The following OASL variants were observed in gnomAD, a reference collection of about 807,000 sequenced individuals.
OASL encodes 2'-5'-oligoadenylate synthetase like.
OASL carries 28 observed loss-of-function variants against 35.3 expected under a neutral mutation model. The observed-to-expected ratio is 0.79, with a 90% CI of 0.59 to 1.09. The LOEUF is 1.09. OASL is among the 50% of genes least tolerant of loss of function. The pLI is 0.00. For synonymous variants in OASL, 252 were observed against 254.6 expected, an observed-to-expected ratio of 0.99 and a Z score of 0.10; for missense variants, 620 against 635.2, an observed-to-expected ratio of 0.98 and a Z score of 0.26.
At chr12:121,037,896 G>T (rs1471967738) in intron 1 of OASL, among the ~76,000 whole-genome samples, 1 of 152,096 alleles carries the variant, frequency 6.6e-6, no homozygotes, top group Non-Finnish European at 1.5e-5. Context: ...TTCGAGACCA[G>T]CATGGGCAAC....
At chr12:121,019,057 A>C (rs765689646), downstream of OASL, 2 of 152,342 alleles carry the variant, frequency 1.3e-5, no homozygotes, top group African/African-American at 2.4e-5. Context: ...GTTATTGTTC[A>C]TGAGCCATCC....
chr12:121,027,923 T>C, intron 3 of OASL, 106 bp from the exon 4 acceptor site: 1 of 919,902 alleles, frequency 1.1e-6, no homozygotes. Context: ...CTGGCTCTGC[T>C]GCCTACTGGC....
At chr12:121,034,341 A>AT (rs1277966280) in intron 1 of OASL, among the ~76,000 whole-genome samples, 1 of 151,702 alleles carries the variant, frequency 6.6e-6, no homozygotes, top group South Asian at 2.1e-4. Context: ...TAATTTTTGT[A>AT]TTTTTTGTAG....
At chr12:121,020,837 G>A (rs954500444) in exon 6 of OASL, 4 of 1,614,248 alleles carry the variant, frequency 2.5e-6, no homozygotes, top group African/African-American at 1.3e-5. Context: ...GCAGATAGAT[G>A]TGAGTGTGGG....
At chr12:121,033,349 A>G in intron 2 of OASL, 112 bp downstream of exon 2, 1 of 1,085,334 alleles carries the variant, frequency 9.2e-7, no homozygotes, top group Non-Finnish European at 1.3e-6. Flanking sequence ...TAGGACACAG[A>G]TGAAATGAAT....
exon 1 of OASL, chr12:121,038,794 G>T (rs187675334): frequency 1.2e-6 from 2 of 1,613,990 alleles, no homozygotes; most frequent in Non-Finnish European, 1.7e-6. Flanking sequence ...TTCAGCACCC[G>T]CACATCCTGG....
chr12:121,036,101 A>T (rs1168816325), intron 1 of OASL, among the ~76,000 whole-genome samples: 1 of 152,044 alleles, frequency 6.6e-6, no homozygotes, highest in Non-Finnish European at 1.5e-5. Flanking sequence ...GGGCTCAAGC[A>T]ATCCTCCCAC....
At position 121,023,811 on chromosome 12, in the gene OASL, G is replaced by A. The variant is rs1227842858; in HGVS notation, c.1047+179C>T. 3 of 588,406 alleles carry A rather than the reference G, an allele frequency of 5.1e-6. No individual in the cohort carries two copies. The African/African-American group carries it at 5.5e-5, about 11-fold the overall frequency. 36.4% of individuals were successfully genotyped at this position (588,406 alleles called of 1,614,324 possible). ...AGAATTTGAAGGTAAGAAACCCAAG[G>A]CTCTGAGAGCCAAAGAATTTGTCCA... On this transcript the variant is annotated intron_variant, in intron 5 of 5. Transcript: ENST00000257570.
intron 1 of OASL, among the ~76,000 whole-genome samples, chr12:121,036,847 C>T (rs1052793965): frequency 6.6e-6 from 1 of 152,062 alleles, no homozygotes; most frequent in Non-Finnish European, 1.5e-5. Context: ...GAGCATTTAT[C>T]GTGCATGAAT....
intron 1 of OASL, among the ~76,000 whole-genome samples, chr12:121,036,752 G>A (rs1360004527): frequency 2.6e-5 from 4 of 152,148 alleles, no homozygotes; most frequent in Non-Finnish European, 5.9e-5. Context: ...GGGAGGGGGT[G>A]GTCTAGGAGG....
At chr12:121,033,150 T>A (rs1869809046) in intron 2 of OASL, among the ~76,000 whole-genome samples, 1 of 152,076 alleles carries the variant, frequency 6.6e-6, no homozygotes, top group Admixed American at 6.6e-5. Flanking sequence ...GGTCTTCAAC[T>A]CCTGACCTCA....
chr12:121,020,589 T>C, exon 6 of OASL: 1 of 1,607,190 alleles, frequency 6.2e-7, no homozygotes, highest in Non-Finnish European at 8.5e-7. Flanking sequence ...AGCCTCTCCT[T>C]TCTTCTTCGA....
At chr12:121,031,450 A>G in exon 3 of OASL, 1 of 1,613,212 alleles carries the variant, frequency 6.2e-7, no homozygotes, top group Non-Finnish European at 8.5e-7. Flanking sequence ...ACCTGCTGGT[A>G]CCAGTGTTTC....
chr12:121,033,610 G>GT lies in OASL; in HGVS notation c.331dup (p.Thr111AsnfsTer62). ...CAGCAGGTCCTGGCTTTGCCACATGGTTTTCCATATCAGCCTCAGAACATC... is the reference window on the plus strand; with the variant it reads ...CAGCAGGTCCTGGCTTTGCCACATGGTTTTTCCATATCAGCCTCAGAACATC... On this transcript the variant is annotated frameshift_variant, in exon 2 of 6. Transcript: ENST00000257570. LOFTEE classifies it high-confidence loss of function. The GT allele has an allele frequency of 1.2e-6, 2 of 1,614,160 alleles. No individual in the cohort carries two copies. The highest frequency in any genetic ancestry group is 1.7e-6 in the Non-Finnish European group (2 of 1,180,038).
chr12:121,032,064 C>T (rs772862516), intron 2 of OASL, among the ~76,000 whole-genome samples: 8 of 152,016 alleles, frequency 5.3e-5, no homozygotes, highest in East Asian at 1.9e-4. Context: ...GGCATGGTGG[C>T]GGGCTGTAAT....
chr12:121,039,161 C>G, exon 1 of OASL: 1 of 598,544 alleles, frequency 1.7e-6, no homozygotes, highest in Non-Finnish European at 3.0e-6. Flanking sequence ...TGGAGACACC[C>G]TTGCTGCAGT....
chr12:121,024,904 G>A (rs1869415722), intron 4 of OASL, among the ~76,000 whole-genome samples: 1 of 151,622 alleles, frequency 6.6e-6, no homozygotes, highest in South Asian at 2.1e-4. Context: ...AATTCTATAA[G>A]GTAGGGACTG....
rs551397717 is a variant in OASL, at chr12:121,029,557, G to A, written c.658-1740C>T. Among the ~76,000 whole-genome samples the A allele has an allele frequency of 1.8e-4, 28 of 152,106 alleles. No homozygotes were observed. In the East Asian group the frequency reaches 4.5e-3, roughly 24 times the overall value. On this transcript the variant is annotated intron_variant, in intron 3 of 5. Transcript: ENST00000257570. ...TAAAAAATTAGCTGTGCATGGTGGC[G>A]GGCACCTGTAGTCCCAGCTACTCGG... is the stretch of plus-strand genomic sequence containing the variant.
At chr12:121,038,861 C>T in exon 1 of OASL, 1 of 1,614,164 alleles carries the variant, frequency 6.2e-7, no homozygotes, top group Non-Finnish European at 8.5e-7. Context: ...CCACGGTCCG[C>T]ACAGCGTCTA....
Sources: gnomAD v4.1 joint callset for allele counts (sites outside exome capture counted in the v4.1 genomes callset) on GRCh38, gnomAD v4.1.1 for gene constraint, MANE v1.5 for transcripts, NCBI Gene and HGNC (gene_info 2026-07-23, HGNC 2026-07-21) for gene names.